The following GRIK2 variants were observed in gnomAD, a reference collection of about 807,000 sequenced individuals.
GRIK2 encodes glutamate receptor ionotropic, kainate 2.
In GRIK2, 32 loss-of-function variants were observed where a neutral mutation model predicts 100.3. The ratio of observed to expected loss-of-function variants is 0.32; its 90% CI spans 0.24 to 0.43. The LOEUF is 0.43. Ranked by LOEUF, GRIK2 falls within the 20% of genes least tolerant of loss-of-function variation. GRIK2 has a pLI of 1.00. For synonymous variants in GRIK2, 417 were observed against 389.4 expected (o/e 1.07, Z -0.83); for missense variants, 843 against 1,114.9 (o/e 0.76, Z 3.47).
intron 8 of GRIK2, 125 bp downstream of exon 8, chr6:101,799,916 C>A (rs570184323): frequency 4.2e-6 from 3 of 711,472 alleles, no homozygotes; most frequent in African/African-American, 1.8e-5. Context: ...CTCTCTTACT[C>A]CAAATAAGCA....
chr6:101,562,184 A>G (rs192021087), intron 2 of GRIK2, among the ~76,000 whole-genome samples: 332 of 152,278 alleles, frequency 2.2e-3, no homozygotes, highest in African/African-American at 7.7e-3. Flanking sequence ...AGAAATAGTC[A>G]GAAAATAAAA....
At chr6:101,697,273 T>C (rs886407283) in intron 7 of GRIK2, among the ~76,000 whole-genome samples, 17 of 151,910 alleles carry the variant, frequency 1.1e-4, no homozygotes, top group African/African-American at 4.1e-4. Context: ...AATTAACTGA[T>C]TCATTATTTC....
At chr6:101,740,387 G>A (rs1208329030) in intron 7 of GRIK2, among the ~76,000 whole-genome samples, 1 of 152,048 alleles carries the variant, frequency 6.6e-6, no homozygotes, top group Non-Finnish European at 1.5e-5. Flanking sequence ...AAACAGAAAT[G>A]TTCATTATTA....
chr6:101,957,201 G>A (rs1051150513), intron 14 of GRIK2, among the ~76,000 whole-genome samples: 1 of 151,860 alleles, frequency 6.6e-6, no homozygotes, highest in African/African-American at 2.4e-5. Flanking sequence ...TCTGGTGTAC[G>A]ATGGTATTTC....
intron 14 of GRIK2, among the ~76,000 whole-genome samples, chr6:102,004,072 A>C (rs906753091): frequency 6.7e-6 from 1 of 149,018 alleles, no homozygotes; most frequent in Non-Finnish European, 1.5e-5. Flanking sequence ...TTCAACTACC[A>C]TATTTTATCA....
chr6:101,663,381 A>G (rs1049440084), intron 4 of GRIK2, among the ~76,000 whole-genome samples: 1 of 152,254 alleles, frequency 6.6e-6, no homozygotes, highest in East Asian at 1.9e-4. Context: ...ACAGGCGTAC[A>G]TCTGAACAGG....
chr6:101,676,910 C>T (rs1171808949), intron 5 of GRIK2, 106 bp downstream of exon 5: 8 of 616,714 alleles, frequency 1.3e-5, no homozygotes, highest in African/African-American at 3.9e-5. Context: ...GTTATAATAA[C>T]CTTGATGTAA....
At chr6:102,009,816 G>A (rs558404815) in intron 14 of GRIK2, among the ~76,000 whole-genome samples, 54 of 152,132 alleles carry the variant, frequency 3.5e-4, no homozygotes, top group African/African-American at 1.3e-3. Flanking sequence ...TCATATTATT[G>A]TGTGTGAGAT....
rs530197214 is a variant in GRIK2, at chr6:101,802,112, A to G, written c.1096-219A>G. ...ACAGAAAATTGTAACTGGAAAATGC[A>G]TTGTATAAAATGAAAAATTTATAGT... On this transcript the variant is annotated intron_variant, in intron 8 of 16. Coordinates refer to ENST00000369134, the MANE Select transcript of GRIK2 (RefSeq NM_021956.5). Among the ~76,000 whole-genome samples the G allele has an allele frequency of 2.0e-4, 30 of 152,028 alleles. 1 individual carries two copies. The highest frequency in any genetic ancestry group is 7.2e-4 in the African/African-American group (30 of 41,570).
chr6:101,781,858 CAG>C (rs1779118141), intron 7 of GRIK2, among the ~76,000 whole-genome samples: 1 of 150,814 alleles, frequency 6.6e-6, no homozygotes, highest in Non-Finnish European at 1.5e-5. Context: ...AAATAAACAA[CAG>C]AAATTTATTT....
chr6:101,939,405 A>C (rs942441807), intron 14 of GRIK2, among the ~76,000 whole-genome samples: 2 of 152,028 alleles, frequency 1.3e-5, no homozygotes, highest in Admixed American at 6.6e-5. Context: ...TAAATGTTGA[A>C]TTGTTAAATT....
intron 9 of GRIK2, among the ~76,000 whole-genome samples, chr6:101,810,741 C>CGA (rs1370465857): frequency 2.4e-5 from 3 of 122,636 alleles, no homozygotes; most frequent in African/African-American, 8.8e-5. Flanking sequence ...GGTAATGCAA[C>CGA]TAACTATCTC....
chr6:101,511,585 A>G (rs1339260718), intron 2 of GRIK2, among the ~76,000 whole-genome samples: 1 of 151,960 alleles, frequency 6.6e-6, no homozygotes, highest in Non-Finnish European at 1.5e-5. Flanking sequence ...AGAAAAACAA[A>G]TATAAAAAGA....
chr6:101,633,188 A>G (rs1003208114), intron 4 of GRIK2, among the ~76,000 whole-genome samples: 2 of 152,104 alleles, frequency 1.3e-5, no homozygotes, highest in African/African-American at 4.8e-5. Context: ...GGTTATAGCA[A>G]TATCAGTGAT....
At chr6:101,725,607 T>A (rs1774804963) in intron 7 of GRIK2, among the ~76,000 whole-genome samples, 1 of 152,064 alleles carries the variant, frequency 6.6e-6, no homozygotes, top group African/African-American at 2.4e-5. Context: ...AAAGATGTAA[T>A]ATTTTTATGT....
At chr6:101,676,277 T>A (rs1293494149) in intron 4 of GRIK2, among the ~76,000 whole-genome samples, 4 of 152,192 alleles carry the variant, frequency 2.6e-5, no homozygotes, top group Non-Finnish European at 4.4e-5. Flanking sequence ...ACATTTAAGT[T>A]ATTTATATTA....
At chr6:101,413,941 A>G (rs1033200744) in intron 2 of GRIK2, among the ~76,000 whole-genome samples, 1 of 152,110 alleles carries the variant, frequency 6.6e-6, no homozygotes, top group Non-Finnish European at 1.5e-5. Context: ...TCATTTATTT[A>G]TTCTTTCAAT....
chr6:101,532,535 G>A (rs1775492160), intron 2 of GRIK2, among the ~76,000 whole-genome samples: 2 of 45,516 alleles, frequency 4.4e-5, no homozygotes, highest in South Asian at 1.6e-3. Flanking sequence ...TGTCTGGGGA[G>A]ACCTTTTTTT....
intron 7 of GRIK2, among the ~76,000 whole-genome samples, chr6:101,766,502 C>G (rs758328552): frequency 1.2e-4 from 18 of 152,162 alleles, no homozygotes; most frequent in Non-Finnish European, 2.4e-4. Context: ...CTACACTTAC[C>G]TCAAATTCTT....
Sources: allele counts gnomAD v4.1 joint callset (sites outside exome capture counted in the v4.1 genomes callset), GRCh38; gene constraint gnomAD v4.1.1; transcripts MANE v1.5; gene names NCBI Gene and HGNC (gene_info 2026-07-23, HGNC 2026-07-21).